TACC1: variants seen among roughly 807,000 people sequenced by gnomAD.
TACC1 encodes transforming acidic coiled-coil-containing protein 1.
In TACC1, 48 loss-of-function variants were observed where a neutral mutation model predicts 84.4. The ratio of observed to expected loss-of-function variants is 0.57; its 90% CI spans 0.45 to 0.72. The LOEUF is 0.72. TACC1 is among the 30% of genes least tolerant of loss of function. The pLI, the probability that TACC1 is intolerant of heterozygous loss-of-function variation, is 0.00. For missense variants in TACC1, 920 were observed against 973.0 expected, an observed-to-expected ratio of 0.95 and a Z score of 0.72; for synonymous variants, 372 against 376.3, an observed-to-expected ratio of 0.99 and a Z score of 0.13.
Position 38,838,622 on chromosome 8 carries a change from G to C in TACC1, c.1916+76G>C, listed in dbSNP as rs557297622. The C allele has an allele frequency of 3.4e-5, 42 of 1,241,524 alleles. No homozygotes were observed. In the African/African-American group the frequency reaches 6.0e-4, roughly 18 times the overall value. 76.9% of individuals were successfully genotyped at this position (1,241,524 alleles called of 1,614,324 possible). ...ATTTGATACAGATGAAGTGATGACA[G>C]TGTTTGCTTGCCACAGAACCAAGTG... On this transcript the variant is annotated intron_variant, in intron 8 of 12. Coordinates refer to ENST00000317827, the MANE Select transcript of TACC1 (RefSeq NM_006283.3).
intron 3 of TACC1, among the ~76,000 whole-genome samples, chr8:38,746,806 C>A (rs1808174702): frequency 6.6e-6 from 1 of 151,976 alleles, no homozygotes; most frequent in Non-Finnish European, 1.5e-5. Context: ...TTAAACAGTG[C>A]AGAATAGCTG....
chr8:38,768,565 A>G (rs1812738448), intron 3 of TACC1, among the ~76,000 whole-genome samples: 2 of 152,092 alleles, frequency 1.3e-5, no homozygotes, highest in African/African-American at 4.8e-5. Flanking sequence ...TCCATCCTTG[A>G]TAATTGTGTG....
chr8:38,787,196 C>G (rs1213389117), upstream of TACC1: 51 of 988,196 alleles, frequency 5.2e-5, 1 homozygote, highest in South Asian at 1.8e-3. Flanking sequence ...GGGCGCGGCT[C>G]CGGCGGCAGC....
chr8:38,768,527 G>A (rs758468673), intron 3 of TACC1, among the ~76,000 whole-genome samples: 2 of 152,160 alleles, frequency 1.3e-5, no homozygotes, highest in Non-Finnish European at 2.9e-5. Flanking sequence ...GAAGGAACGG[G>A]AGTGTCAAAA....
intron 11 of TACC1, chr8:38,846,469 T>A: frequency 4.7e-6 from 2 of 424,242 alleles, no homozygotes; most frequent in Non-Finnish European, 4.2e-6. Context: ...AAGACTGTTA[T>A]AGAAACCATT....
intron 2 of TACC1, among the ~76,000 whole-genome samples, chr8:38,801,462 C>G (rs143316635): frequency 6.3e-4 from 96 of 152,276 alleles, no homozygotes; most frequent in Non-Finnish European, 1.3e-3. Flanking sequence ...CACCATTTGT[C>G]AAAAAGACTA....
intron 1 of TACC1, 143 bp downstream of exon 1, chr8:38,787,886 T>A: frequency 1.2e-6 from 1 of 801,902 alleles, no homozygotes; most frequent in South Asian, 2.0e-5. Flanking sequence ...CGGGTCCCCG[T>A]GTGCGTCCGA....
At chr8:38,764,674 G>A (rs544895772) in intron 3 of TACC1, among the ~76,000 whole-genome samples, 4 of 152,120 alleles carry the variant, frequency 2.6e-5, no homozygotes, top group Non-Finnish European at 5.9e-5. Flanking sequence ...CTAGGAAAAT[G>A]CTAAGGTCTT....
At chr8:38,798,211 C>A (rs898839370) in intron 2 of TACC1, among the ~76,000 whole-genome samples, 1 of 152,084 alleles carries the variant, frequency 6.6e-6, no homozygotes, top group Non-Finnish European at 1.5e-5. Context: ...GCAGCCTCAA[C>A]TCCCAGTCTT....
chr8:38,830,867 G>C (rs557435622), intron 5 of TACC1, among the ~76,000 whole-genome samples: 18 of 152,304 alleles, frequency 1.2e-4, no homozygotes, highest in Admixed American at 9.8e-4. Flanking sequence ...TGGACACAAG[G>C]GGGCAGCCTT....
intron 3 of TACC1, among the ~76,000 whole-genome samples, chr8:38,822,719 ATTTG>A (rs1827154259): frequency 6.6e-6 from 1 of 152,160 alleles, no homozygotes. Flanking sequence ...AAAATTATTT[ATTTG>A]TTTACTTTTT....
At chr8:38,729,578 G>A (rs1365114094) in intron 1 of TACC1, among the ~76,000 whole-genome samples, 4 of 152,244 alleles carry the variant, frequency 2.6e-5, no homozygotes, top group Non-Finnish European at 4.4e-5. Flanking sequence ...CTTAAAAAAC[G>A]TCTTGTGTGG....
At position 38,759,947 on chromosome 8, in the gene TACC1, C is replaced by G. The variant is rs543881856; in HGVS notation, c.26+14454C>G. Among the ~76,000 whole-genome samples, 15 of 152,176 alleles carry G rather than the reference C, an allele frequency of 9.9e-5. No homozygotes were observed. In the East Asian group the frequency reaches 2.7e-3, roughly 27 times the overall value. ...TGTTACCCGGCTACAGACTTCCTGCCGAACATATGGCTGTCATGGATAACG... is the reference window on the plus strand; with the variant it reads ...TGTTACCCGGCTACAGACTTCCTGCGGAACATATGGCTGTCATGGATAACG... On this transcript the variant is annotated intron_variant, in intron 3 of 14. Transcript: ENST00000518415.
At chr8:38,835,908 C>CT (rs1461017725) in intron 6 of TACC1, among the ~76,000 whole-genome samples, 2 of 152,204 alleles carry the variant, frequency 1.3e-5, no homozygotes, top group African/African-American at 4.8e-5. Context: ...CACTTTCTCC[C>CT]TTTTAGATCA....
chr8:38,769,766 G>A lies in TACC1; in HGVS notation c.27-18938G>A, dbSNP rs925521738. ...GTGTGTGGTGTGTGTATGTGTATGC[G>A]AGACTGTGTATGGGTTGGGGGTGTG... On this transcript the variant is annotated intron_variant, in intron 3 of 14. Coordinates refer to the TACC1 transcript ENST00000518415. Among the ~76,000 whole-genome samples, 4 of 146,670 alleles carry A rather than the reference G, an allele frequency of 2.7e-5. No individual in the cohort carries two copies. In the South Asian group the frequency reaches 6.6e-4, roughly 24 times the overall value.
chr8:38,761,192 CGATGTGGCCAAG>C (rs1811143986), intron 3 of TACC1, among the ~76,000 whole-genome samples: 2 of 152,012 alleles, frequency 1.3e-5, no homozygotes, highest in African/African-American at 4.8e-5. Flanking sequence ...GTATTTTTGG[CGATGTGGCCAAG>C]GTAGGTTTTC....
intron 11 of TACC1, among the ~76,000 whole-genome samples, chr8:38,843,932 T>C (rs966899401): frequency 2.0e-5 from 3 of 152,214 alleles, no homozygotes; most frequent in Admixed American, 6.5e-5. Context: ...GATCTGTATG[T>C]TAGAAAAGGA....
intron 8 of TACC1, chr8:38,839,981 A>G (rs532902000): frequency 3.2e-4 from 95 of 296,936 alleles, no homozygotes; most frequent in Non-Finnish European, 1.9e-4. Flanking sequence ...AGTTGGTTCT[A>G]TAAGTAAAAT....
chr8:38,777,319 T>C (rs1280673318), intron 3 of TACC1, among the ~76,000 whole-genome samples: 1 of 151,810 alleles, frequency 6.6e-6, no homozygotes, highest in Non-Finnish European at 1.5e-5. Flanking sequence ...AGGCAGCAAT[T>C]AGTCTAGGGC....
Sources: gnomAD v4.1 joint callset for allele counts (sites outside exome capture counted in the v4.1 genomes callset) on GRCh38, gnomAD v4.1.1 for gene constraint, MANE v1.5 for transcripts, NCBI Gene and HGNC (gene_info 2026-07-23, HGNC 2026-07-21) for gene names.